The following TSHZ2 variants were observed in gnomAD, a reference collection of about 807,000 sequenced individuals.
The protein encoded by TSHZ2 is teashirt zinc finger homeobox 2.
TSHZ2 carries 21 observed loss-of-function variants against 74.4 expected under a neutral mutation model. The observed-to-expected ratio is 0.28, with a 90% CI of 0.20 to 0.41. The LOEUF (loss-of-function observed/expected upper bound fraction) is 0.41, where lower values mean the gene tolerates loss of function less well. Ranked by LOEUF, TSHZ2 falls within the 10% of genes least tolerant of loss-of-function variation. The pLI is 1.00. For synonymous variants in TSHZ2, 540 were observed against 515.3 expected, an observed-to-expected ratio of 1.05 and a Z score of -0.65; for missense variants, 1,244 against 1,293.5, an observed-to-expected ratio of 0.96 and a Z score of 0.59.
intron 1 of TSHZ2, among the ~76,000 whole-genome samples, chr20:53,235,239 C>T (rs891829079): frequency 2.0e-5 from 3 of 152,008 alleles, no homozygotes; most frequent in African/African-American, 4.8e-5. Flanking sequence ...ATGATCTTGG[C>T]TCACTGCAAC....
chr20:52,994,144 T>C (rs1568709646), intron 1 of TSHZ2, among the ~76,000 whole-genome samples: 1 of 152,232 alleles, frequency 6.6e-6, no homozygotes, highest in Non-Finnish European at 1.5e-5. Flanking sequence ...TTAATTTACA[T>C]TGTTTTCCGG....
chr20:52,984,562 A>C (rs559668799), intron 1 of TSHZ2, among the ~76,000 whole-genome samples: 1 of 152,276 alleles, frequency 6.6e-6, no homozygotes, highest in African/African-American at 2.4e-5. Context: ...GGGTGGCCGG[A>C]GCAGACGGGG....
intron 1 of TSHZ2, among the ~76,000 whole-genome samples, chr20:53,056,282 G>GT (rs1984637144): frequency 6.6e-6 from 1 of 152,124 alleles, no homozygotes; most frequent in African/African-American, 2.4e-5. Flanking sequence ...ATCAGGCCAA[G>GT]TTTTTTATTG....
At chr20:53,161,091 T>G (rs1040071666) in intron 1 of TSHZ2, among the ~76,000 whole-genome samples, 1 of 128,858 alleles carries the variant, frequency 7.8e-6, no homozygotes, top group Non-Finnish European at 1.5e-5. Flanking sequence ...TAGACTCCTT[T>G]GATTGTACAT....
At chr20:53,033,933 T>C (rs1294167408) in intron 1 of TSHZ2, among the ~76,000 whole-genome samples, 6 of 152,114 alleles carry the variant, frequency 3.9e-5, no homozygotes, top group Admixed American at 3.9e-4. Context: ...GTGCTGGGAT[T>C]GCAGGCATGA....
chr20:53,463,421 AGGAAGGAAGGAAGGAG>A lies in TSHZ2; in HGVS notation c.*9-23719_*9-23704del, dbSNP rs754141827. ...AAGGAAGGAAGGAAGGAAGGAAGGA[AGGAAGGAAGGAAGGAG>A]GGAGGGAGGGAAGGAAGGAAGGAAG... is the stretch of plus-strand genomic sequence containing the variant. On this transcript the variant is annotated intron_variant, in intron 2 of 2. Coordinates refer to ENST00000371497, the MANE Select transcript of TSHZ2 (RefSeq NM_173485.6). Among the ~76,000 whole-genome samples, 8 of 122,948 alleles carry A rather than the reference AGGAAGGAAGGAAGGAG, an allele frequency of 6.5e-5. No individual in the cohort carries two copies. The East Asian group carries it at 1.7e-3, about 27-fold the overall frequency. 80.7% of individuals were successfully genotyped at this position (122,948 alleles called of 152,430 possible).
At chr20:53,222,681 C>T (rs927625372) in intron 1 of TSHZ2, among the ~76,000 whole-genome samples, 2 of 152,212 alleles carry the variant, frequency 1.3e-5, no homozygotes, top group African/African-American at 4.8e-5. Context: ...GCTCTGAATG[C>T]TAACTGCTAA....
intron 1 of TSHZ2, among the ~76,000 whole-genome samples, chr20:53,128,768 C>T (rs1382243395): frequency 6.6e-6 from 1 of 152,034 alleles, no homozygotes; most frequent in African/African-American, 2.4e-5. Context: ...ACTACAGGTG[C>T]ACGCCACCAC....
chr20:53,472,288 G>C (rs1333484783), intron 2 of TSHZ2, among the ~76,000 whole-genome samples: 3 of 152,218 alleles, frequency 2.0e-5, no homozygotes, highest in Non-Finnish European at 4.4e-5. Flanking sequence ...GTGCACAATT[G>C]CAGGTGGCCG....
intron 1 of TSHZ2, among the ~76,000 whole-genome samples, 181 bp from the exon 2 acceptor site, chr20:53,253,318 A>C (rs76972590): frequency 1.3e-5 from 2 of 151,808 alleles, no homozygotes; most frequent in Non-Finnish European, 1.5e-5. Context: ...AAAAAAAAAA[A>C]AACACTAGAT....
intron 2 of TSHZ2, among the ~76,000 whole-genome samples, chr20:53,421,858 T>C (rs975535672): frequency 3.3e-5 from 5 of 151,814 alleles, no homozygotes; most frequent in Admixed American, 2.0e-4. Flanking sequence ...AATTTTTGTA[T>C]TTTTAGTAGA....
chr20:53,202,731 C>T (rs987784574), intron 1 of TSHZ2, among the ~76,000 whole-genome samples: 2 of 152,126 alleles, frequency 1.3e-5, no homozygotes, highest in Non-Finnish European at 2.9e-5. Flanking sequence ...TTCTAGGCTG[C>T]CTGGGGTGCC....
At chr20:53,117,749 C>T (rs544765572) in intron 1 of TSHZ2, among the ~76,000 whole-genome samples, 7 of 152,264 alleles carry the variant, frequency 4.6e-5, no homozygotes, top group South Asian at 2.1e-4. Context: ...ATTTTAAAGC[C>T]GTAATCATGG....
At chr20:53,118,924 G>T (rs2123344857) in intron 1 of TSHZ2, among the ~76,000 whole-genome samples, 1 of 152,298 alleles carries the variant, frequency 6.6e-6, no homozygotes, top group East Asian at 1.9e-4. Flanking sequence ...GATGAAGGGG[G>T]AGAACACATC....
At chr20:53,025,055 CAA>C (rs993354823) in intron 1 of TSHZ2, among the ~76,000 whole-genome samples, 1 of 151,290 alleles carries the variant, frequency 6.6e-6, no homozygotes, top group African/African-American at 2.4e-5. Context: ...ACTGTACTAG[CAA>C]AAAATGTGCT....
At chr20:53,399,568 G>A (rs1982577122) in intron 2 of TSHZ2, 1 of 152,194 alleles carries the variant, frequency 6.6e-6, no homozygotes, top group Non-Finnish European at 1.5e-5. Context: ...TACAGACTCT[G>A]AAGAAGCAAA....
chr20:53,303,590 C>T (rs1978393921), intron 2 of TSHZ2, among the ~76,000 whole-genome samples: 1 of 152,160 alleles, frequency 6.6e-6, no homozygotes, highest in Admixed American at 6.5e-5. Context: ...AAATCCAGTG[C>T]CCTCTTGACG....
At chr20:53,334,113 T>C (rs145780760) in intron 2 of TSHZ2, among the ~76,000 whole-genome samples, 2 of 152,306 alleles carry the variant, frequency 1.3e-5, no homozygotes, top group African/African-American at 2.4e-5. Context: ...ATTGTGTTGA[T>C]ATAATGGAGA....
chr20:53,162,132 C>T (rs528801667), intron 1 of TSHZ2, among the ~76,000 whole-genome samples: 8 of 152,230 alleles, frequency 5.3e-5, no homozygotes, highest in Admixed American at 4.6e-4. Context: ...TTTTTCTAAC[C>T]CTTCCAAGAG....
Sources: gnomAD v4.1 joint callset for allele counts (sites outside exome capture counted in the v4.1 genomes callset) on GRCh38, gnomAD v4.1.1 for gene constraint, MANE v1.5 for transcripts, NCBI Gene and HGNC (gene_info 2026-07-23, HGNC 2026-07-21) for gene names.